The following ZNF385D variants were observed in gnomAD, a reference collection of about 807,000 sequenced individuals.
The protein encoded by ZNF385D is zinc finger protein 385D.
ZNF385D carries 15 observed loss-of-function variants against 35.8 expected under a neutral mutation model. That is an observed-to-expected ratio of 0.42 (90% CI 0.28 to 0.64). The LOEUF is 0.64. ZNF385D is among the 30% of genes least tolerant of loss of function. ZNF385D has a pLI of 0.23. For missense variants in ZNF385D, 474 were observed against 494.6 expected, an observed-to-expected ratio of 0.96 and a Z score of 0.39; for synonymous variants, 212 against 186.8, an observed-to-expected ratio of 1.13 and a Z score of -1.10.
At chr3:21,779,955 A>G (rs1292018940) in intron 3 of ZNF385D, among the ~76,000 whole-genome samples, 5 of 151,966 alleles carry the variant, frequency 3.3e-5, no homozygotes, top group African/African-American at 1.2e-4. Context: ...CTCCAAATGT[A>G]ATATCCAGGC....
intron 3 of ZNF385D, among the ~76,000 whole-genome samples, chr3:22,148,384 C>T (rs190394440): frequency 9.2e-5 from 14 of 152,320 alleles, no homozygotes; most frequent in Admixed American, 8.5e-4. Context: ...GACAGAACTG[C>T]TTATTCACCA....
intron 2 of ZNF385D, among the ~76,000 whole-genome samples, chr3:22,368,501 AATACTATGAACTAGGTAGC>A (rs1696755618): frequency 6.6e-6 from 1 of 152,148 alleles, no homozygotes; most frequent in African/African-American, 2.4e-5. Context: ...GCTACAACAA[AATACTATGAACTAGGTAGC>A]TAAACAACAA....
intron 3 of ZNF385D, among the ~76,000 whole-genome samples, chr3:22,008,043 C>G (rs1485655338): frequency 6.6e-6 from 1 of 151,826 alleles, no homozygotes; most frequent in East Asian, 1.9e-4. Flanking sequence ...TGCATGTGAA[C>G]TTTATTTTTC....
intron 2 of ZNF385D, among the ~76,000 whole-genome samples, chr3:21,595,832 C>T (rs1371200892): frequency 6.6e-6 from 1 of 152,110 alleles, no homozygotes; most frequent in Non-Finnish European, 1.5e-5. Flanking sequence ...CCAAGAAAGG[C>T]AAAGTAAAGT....
rs570533966 is a variant in ZNF385D at position 21,587,952 on chromosome 3, G to C, written c.166-23268C>G. 2.6e-5 allele frequency among the ~76,000 whole-genome samples: 4 copies of C among 152,224 alleles called. No individual in the cohort carries two copies. The South Asian group carries it at 8.3e-4, about 32-fold the overall frequency. On this transcript the variant is annotated intron_variant, in intron 2 of 7. Transcript: ENST00000281523. Reference sequence around the variant, plus strand: ...ATTTTTGAAGGTTTTTAAAAAGGTAGGTTCTATTATCTCCTTTGGATGCCC... The same window carrying C: ...ATTTTTGAAGGTTTTTAAAAAGGTACGTTCTATTATCTCCTTTGGATGCCC...
At chr3:21,769,660 C>A (rs1337866109) in intron 3 of ZNF385D, among the ~76,000 whole-genome samples, 1 of 126,376 alleles carries the variant, frequency 7.9e-6, no homozygotes, top group Non-Finnish European at 1.6e-5. Context: ...GGCCATACTG[C>A]CCAAGGTAAT....
chr3:22,147,981 A>C (rs1704968622), intron 3 of ZNF385D, among the ~76,000 whole-genome samples: 1 of 152,232 alleles, frequency 6.6e-6, no homozygotes, highest in Non-Finnish European at 1.5e-5. Flanking sequence ...TGAGGCTGAC[A>C]TGGAGTAAAT....
intron 3 of ZNF385D, among the ~76,000 whole-genome samples, chr3:21,540,910 T>C (rs752294201): frequency 6.6e-6 from 1 of 152,184 alleles, no homozygotes; most frequent in Non-Finnish European, 1.5e-5. Flanking sequence ...ACTGCAATCT[T>C]TACCACTATC....
intron 2 of ZNF385D, among the ~76,000 whole-genome samples, chr3:22,309,354 A>G (rs1472507572): frequency 6.6e-6 from 1 of 152,062 alleles, no homozygotes; most frequent in Non-Finnish European, 1.5e-5. Context: ...CCTATAATAA[A>G]TGATTCTAAG....
At position 22,237,250 on chromosome 3, in the gene ZNF385D, A is replaced by C. The variant is rs184265692; in HGVS notation, c.107-68215T>G. ...GTATAAAGTAATATTTTATAATAGT[A>C]CTGACTTCCATTTACCTAATTTTAA... On this transcript the variant is annotated intron_variant, in intron 2 of 5. Transcript: ENST00000494108. Among the ~76,000 whole-genome samples, 177 of 152,284 alleles carry C rather than the reference A, an allele frequency of 1.2e-3. 1 individual carries two copies. The highest frequency in any genetic ancestry group is 4.0e-3 in the African/African-American group (167 of 41,552).
intron 1 of ZNF385D, among the ~76,000 whole-genome samples, chr3:21,696,612 A>C (rs1400580122): frequency 6.6e-6 from 1 of 152,252 alleles, no homozygotes; most frequent in Non-Finnish European, 1.5e-5. Flanking sequence ...TCCAATCGGC[A>C]TAACTGTGTA....
At chr3:21,847,160 T>C (rs1320114153) in intron 3 of ZNF385D, among the ~76,000 whole-genome samples, 1 of 152,038 alleles carries the variant, frequency 6.6e-6, no homozygotes, top group Non-Finnish European at 1.5e-5. Flanking sequence ...AGTAGAAACA[T>C]GGAAGAATTT....
At chr3:21,458,069 T>A (rs543762426) in intron 4 of ZNF385D, among the ~76,000 whole-genome samples, 1 of 151,898 alleles carries the variant, frequency 6.6e-6, no homozygotes, top group Non-Finnish European at 1.5e-5. Context: ...CTGAAAAAAA[T>A]ATTGAGATTA....
chr3:22,042,627 G>A (rs534761314), intron 3 of ZNF385D, among the ~76,000 whole-genome samples: 25 of 152,188 alleles, frequency 1.6e-4, no homozygotes, highest in African/African-American at 6.0e-4. Flanking sequence ...TCTCTGCTGG[G>A]AAAGCCCATA....
At chr3:21,639,861 A>C (rs1022120922) in intron 2 of ZNF385D, among the ~76,000 whole-genome samples, 1 of 152,042 alleles carries the variant, frequency 6.6e-6, no homozygotes, top group Non-Finnish European at 1.5e-5. Context: ...CTGAAGAGAA[A>C]TTCCTTTACC....
intron 2 of ZNF385D, among the ~76,000 whole-genome samples, chr3:21,611,436 A>G (rs1383521692): frequency 6.6e-6 from 1 of 152,158 alleles, no homozygotes; most frequent in Non-Finnish European, 1.5e-5. Flanking sequence ...AGCCTAAACC[A>G]CATGTGGCAA....
intron 3 of ZNF385D, among the ~76,000 whole-genome samples, chr3:22,081,801 T>A (rs570366925): frequency 3.7e-4 from 57 of 152,114 alleles, no homozygotes; most frequent in Non-Finnish European, 3.8e-4. Context: ...TTAAAAAAGG[T>A]TGCTTACCTC....
At chr3:22,005,613 A>C (rs1192152283) in intron 3 of ZNF385D, among the ~76,000 whole-genome samples, 1 of 152,094 alleles carries the variant, frequency 6.6e-6, no homozygotes, top group African/African-American at 2.4e-5. Flanking sequence ...AGTATGTATA[A>C]TTATTATATA....
At chr3:22,223,429 C>T (rs891927158) in intron 2 of ZNF385D, among the ~76,000 whole-genome samples, 2 of 151,992 alleles carry the variant, frequency 1.3e-5, no homozygotes, top group Non-Finnish European at 2.9e-5. Flanking sequence ...CACTGTATCA[C>T]GTACTTGCTG....
Sources: allele counts gnomAD v4.1 joint callset (sites outside exome capture counted in the v4.1 genomes callset), GRCh38; gene constraint gnomAD v4.1.1; transcripts MANE v1.5; gene names NCBI Gene and HGNC (gene_info 2026-07-23, HGNC 2026-07-21).